MAP2K5: variants seen among roughly 807,000 people sequenced by gnomAD.
MAP2K5 encodes dual specificity mitogen-activated protein kinase kinase 5.
Under a neutral mutation model 83.1 loss-of-function variants are expected in MAP2K5, and 49 were observed. The observed-to-expected ratio is 0.59, with a 90% CI of 0.47 to 0.75. The LOEUF is 0.75. Among genes scored for constraint, MAP2K5 ranks in the 30% least tolerant of loss-of-function variants. The probability of loss-of-function intolerance (pLI) is 0.00; values close to 1 mark genes in which losing one functional copy is unlikely to be tolerated. For synonymous variants in MAP2K5, 202 were observed against 191.8 expected (o/e 1.05, Z -0.44); for missense variants, 457 against 557.5 (o/e 0.82, Z 1.82).
In MAP2K5 at chr15:67,686,486, A is replaced by G. The variant is rs552105850; in HGVS notation, c.848-5993A>G. Among the ~76,000 whole-genome samples, 9 of 151,938 alleles carry G rather than the reference A, an allele frequency of 5.9e-5. 1 individual carries two copies. The highest frequency in any genetic ancestry group is 2.6e-4 in the Admixed American group (4 of 15,254). On this transcript the variant is annotated intron_variant, in intron 13 of 21. Transcript: ENST00000178640. ...GCTGGGGGTGGTGGCAGGCGCCTGTAATCCTGGCTACTCAGGAGGCTGAAG... is the reference window on the plus strand; with the variant it reads ...GCTGGGGGTGGTGGCAGGCGCCTGTGATCCTGGCTACTCAGGAGGCTGAAG...
At chr15:67,639,897 G>A (rs1187044035) in intron 9 of MAP2K5, among the ~76,000 whole-genome samples, 1 of 152,142 alleles carries the variant, frequency 6.6e-6, no homozygotes, top group African/African-American at 2.4e-5. Flanking sequence ...AGGATCAGCT[G>A]AAAAGCCTGC....
At chr15:67,593,014 A>G (rs1361795123) in intron 7 of MAP2K5, 40 bp downstream of exon 7, 1 of 1,311,486 alleles carries the variant, frequency 7.6e-7, no homozygotes, top group Non-Finnish European at 1.1e-6. Flanking sequence ...CATAATAATA[A>G]CATATTACCG....
chr15:67,802,101 C>T lies in MAP2K5; in HGVS notation c.1243-4545C>T, dbSNP rs1457463867. On this transcript the variant is annotated intron_variant, in intron 21 of 21. Coordinates refer to ENST00000178640, the MANE Select transcript of MAP2K5 (RefSeq NM_145160.3). The surrounding 1 kb of genome is among the most constrained non-coding windows in gnomAD (Gnocchi z 5.0). Reference sequence around the variant, plus strand: ...CACCAAGCCCTGCCCCCTGCCTCCACGTGGGAGGGGCCCGGGAGTGTCCTG... The same window carrying T: ...CACCAAGCCCTGCCCCCTGCCTCCATGTGGGAGGGGCCCGGGAGTGTCCTG... Among the ~76,000 whole-genome samples the T allele has an allele frequency of 1.3e-5, 2 of 152,154 alleles. No homozygotes were observed.
At chr15:67,763,294 AT>A (rs1364651859) in intron 19 of MAP2K5, among the ~76,000 whole-genome samples, 1 of 152,112 alleles carries the variant, frequency 6.6e-6, no homozygotes, top group Non-Finnish European at 1.5e-5. Context: ...GAGTGGCCAC[AT>A]TTTAAAATAA....
At position 67,724,191 on chromosome 15, in the gene MAP2K5, C is replaced by T. The variant is rs935875066; in HGVS notation, c.1045-3725C>T. Among the ~76,000 whole-genome samples the T allele has an allele frequency of 6.6e-6, 1 of 152,052 alleles. No individual in the cohort carries two copies. Among genetic ancestry groups the T allele is most frequent in the Non-Finnish European group, 1.5e-5 (1 of 68,012 alleles). On this transcript the variant is annotated intron_variant, in intron 16 of 21. Transcript: ENST00000178640. This position sits in a 1 kb window ranked among gnomAD's most constrained non-coding sequence, Gnocchi z 4.4. Reference sequence around the variant, plus strand: ...ATTACATACTCTCTTTTGTAAGTTTCCTAATTTATAATACCTTGACAATAA... The same window carrying T: ...ATTACATACTCTCTTTTGTAAGTTTTCTAATTTATAATACCTTGACAATAA...
rs2090204228 is a variant in MAP2K5 at position 67,774,598 on chromosome 15, C to A, written c.1242+1846C>A. Among the ~76,000 whole-genome samples, 1 of 152,202 alleles carries A rather than the reference C, an allele frequency of 6.6e-6. No homozygotes were observed. Among genetic ancestry groups the A allele is most frequent in the African/African-American group, 2.4e-5 (1 of 41,448 alleles). The stretch of plus-strand genomic sequence containing the variant: ...AGGAACTTAAGCCACATCCTAGGGG[C>A]CCAATCTAAAGGAACCAGCCTCTTT... On this transcript the variant is annotated intron_variant, in intron 21 of 21. Transcript: ENST00000178640. This position sits in a 1 kb window ranked among gnomAD's most constrained non-coding sequence, Gnocchi z 4.9.
chr15:67,612,859 C>T (rs1256871126), intron 8 of MAP2K5, among the ~76,000 whole-genome samples: 1 of 152,172 alleles, frequency 6.6e-6, no homozygotes, highest in Non-Finnish European at 1.5e-5. Context: ...TGCCAATGAG[C>T]CCCTTTAGAC....
At position 67,676,164 on chromosome 15, in the gene MAP2K5, C is replaced by T. The variant is rs141951312; in HGVS notation, c.847+11519C>T. 4.5e-4 allele frequency among the ~76,000 whole-genome samples: 68 copies of T among 152,298 alleles called. No individual in the cohort carries two copies. The East Asian group carries it at 0.012, about 26-fold the overall frequency. On this transcript the variant is annotated intron_variant, in intron 13 of 21. Coordinates refer to ENST00000178640, the MANE Select transcript of MAP2K5 (RefSeq NM_145160.3). The surrounding 1 kb of genome is among the most constrained non-coding windows in gnomAD (Gnocchi z 4.8). ...TTGATTCACCAAGCCCCGCAGTTAG[C>T]TCTGATCATTGCTTTGTCTCTGACA...
chr15:67,790,280 C>T lies in MAP2K5; in HGVS notation c.1243-16366C>T, dbSNP rs1256374318. ...CCCTGACCAGCAAGCGTGCAATGCCCCTAGCCCTAATGTGCCATTAATGAT... is the reference window on the plus strand; with the variant it reads ...CCCTGACCAGCAAGCGTGCAATGCCTCTAGCCCTAATGTGCCATTAATGAT... On this transcript the variant is annotated intron_variant, in intron 21 of 21. Coordinates refer to ENST00000178640, the MANE Select transcript of MAP2K5 (RefSeq NM_145160.3). The surrounding 1 kb of genome is among the most constrained non-coding windows in gnomAD (Gnocchi z 4.6). Among the ~76,000 whole-genome samples the T allele has an allele frequency of 2.0e-5, 3 of 152,110 alleles. No individual in the cohort carries two copies. Among genetic ancestry groups the T allele is most frequent in the East Asian group, 3.8e-4 (2 of 5,200 alleles).
chr15:67,636,878 C>A lies in MAP2K5; in HGVS notation c.585+5951C>A, dbSNP rs981077214. Among the ~76,000 whole-genome samples the A allele has an allele frequency of 1.3e-5, 2 of 152,038 alleles. No individual in the cohort carries two copies. Among genetic ancestry groups the A allele is most frequent in the Non-Finnish European group, 2.9e-5 (2 of 68,020 alleles). On this transcript the variant is annotated intron_variant, in intron 9 of 21. Coordinates refer to ENST00000178640, the MANE Select transcript of MAP2K5 (RefSeq NM_145160.3). This position sits in a 1 kb window ranked among gnomAD's most constrained non-coding sequence, Gnocchi z 4.7. Reference sequence around the variant, plus strand: ...AGAGATTAACATTTGAGTCAGTGGGCTGGGAGAGGCAGACCCACCTGCAAT... The same window carrying A: ...AGAGATTAACATTTGAGTCAGTGGGATGGGAGAGGCAGACCCACCTGCAAT...
intron 6 of MAP2K5, chr15:67,588,161 G>A: frequency 1.1e-6 from 1 of 939,936 alleles, no homozygotes; most frequent in African/African-American, 1.8e-5. Flanking sequence ...TTCACATATG[G>A]GTGCTCTGTG....
At chr15:67,800,372 A>T (rs1011485800) in intron 21 of MAP2K5, among the ~76,000 whole-genome samples, 4 of 152,166 alleles carry the variant, frequency 2.6e-5, no homozygotes, top group Non-Finnish European at 5.9e-5. Context: ...AAAGTCATCC[A>T]TGAGACTTAA....
rs142641358 is a variant in MAP2K5, at chr15:67,680,194, A to G, written c.848-12285A>G. On this transcript the variant is annotated intron_variant, in intron 13 of 21. Coordinates refer to ENST00000178640, the MANE Select transcript of MAP2K5 (RefSeq NM_145160.3). ...TGTTGAATAGTATTCCATTGTATGG[A>G]TATATCACATTTTGTCTGCTTATTT... 2.6e-5 allele frequency among the ~76,000 whole-genome samples: 4 copies of G among 152,232 alleles called. No individual in the cohort carries two copies. The East Asian group carries it at 7.7e-4, about 29-fold the overall frequency.
intron 9 of MAP2K5, among the ~76,000 whole-genome samples, chr15:67,634,195 C>CAAAAAAT (rs1013744979): frequency 1.3e-5 from 2 of 150,538 alleles, no homozygotes; most frequent in East Asian, 1.9e-4. Context: ...CCTGTCTCTA[C>CAAAAAAT]AAAAAATAAA....
intron 17 of MAP2K5, among the ~76,000 whole-genome samples, chr15:67,732,735 A>G (rs964104770): frequency 6.6e-6 from 1 of 151,498 alleles, no homozygotes; most frequent in Non-Finnish European, 1.5e-5. Flanking sequence ...TCCCTGCTCC[A>G]TATGGAGCTC....
chr15:67,717,719 C>T lies in MAP2K5; in HGVS notation c.1045-10197C>T, dbSNP rs747736148. Among the ~76,000 whole-genome samples the T allele has an allele frequency of 7.2e-5, 11 of 152,184 alleles. No individual in the cohort carries two copies. The highest frequency in any genetic ancestry group is 2.6e-4 in the Admixed American group (4 of 15,284). ...GTTAAGGATGGAAGATCCAAGATGA[C>T]TTCATATGCGTGTATGATGCTTTGG... On this transcript the variant is annotated intron_variant, in intron 16 of 21. Transcript: ENST00000178640. The surrounding 1 kb of genome is among the most constrained non-coding windows in gnomAD (Gnocchi z 4.1).
intron 8 of MAP2K5, among the ~76,000 whole-genome samples, chr15:67,611,773 A>C (rs1344942791): frequency 1.3e-5 from 2 of 152,188 alleles, no homozygotes; most frequent in Admixed American, 1.3e-4. Flanking sequence ...CCTGGTAAAT[A>C]ATTACATTTT....
intron 19 of MAP2K5, among the ~76,000 whole-genome samples, chr15:67,753,791 C>G (rs2089773610): frequency 6.6e-6 from 1 of 152,172 alleles, no homozygotes; most frequent in African/African-American, 2.4e-5. Flanking sequence ...TGGAATACAG[C>G]TTGGCCATTC....
intron 17 of MAP2K5, among the ~76,000 whole-genome samples, chr15:67,731,270 C>A (rs2089213816): frequency 6.6e-6 from 1 of 152,148 alleles, no homozygotes; most frequent in South Asian, 2.1e-4. Flanking sequence ...CCTCTTCCTG[C>A]TGGTGACACA....
Sources: allele counts gnomAD v4.1 joint callset (sites outside exome capture counted in the v4.1 genomes callset), GRCh38; gene constraint gnomAD v4.1.1; non-coding constraint Gnocchi (gnomAD v3.1); transcripts MANE v1.5; gene names NCBI Gene and HGNC (gene_info 2026-07-23, HGNC 2026-07-21).